The following RFTN2 variants were observed in gnomAD, a reference collection of about 807,000 sequenced individuals.
RFTN2 encodes the protein raftlin-2.
RFTN2 carries 34 observed loss-of-function variants against 52.7 expected under a neutral mutation model. The observed-to-expected ratio is 0.64, with a 90% CI of 0.49 to 0.86. The LOEUF (loss-of-function observed/expected upper bound fraction) is 0.86. RFTN2 is among the 40% of genes least tolerant of loss of function. RFTN2 has a pLI of 0.00. For synonymous variants in RFTN2, 203 were observed against 217.7 expected (o/e 0.93, Z 0.59); for missense variants, 536 against 600.1 (o/e 0.89, Z 1.12).
intron 7 of RFTN2, among the ~76,000 whole-genome samples, chr2:197,614,081 G>C (rs2088104360): frequency 1.3e-5 from 2 of 152,026 alleles, no homozygotes; most frequent in Non-Finnish European, 1.5e-5. Context: ...CCCTTGATTA[G>C]TTACTGTATT....
At chr2:197,579,769 GCTC>G (rs1316812895) in intron 8 of RFTN2, among the ~76,000 whole-genome samples, 1 of 151,724 alleles carries the variant, frequency 6.6e-6, no homozygotes, top group African/African-American at 2.4e-5. Flanking sequence ...TCCCCAGACT[GCTC>G]CTCCTCAGGT....
At chr2:197,602,858 T>G (rs1320800515) in intron 7 of RFTN2, among the ~76,000 whole-genome samples, 1 of 152,062 alleles carries the variant, frequency 6.6e-6, no homozygotes, top group Non-Finnish European at 1.5e-5. Flanking sequence ...ATTAAGAAAA[T>G]GTGGCACATA....
chr2:197,592,501 A>AT (rs1267916514), intron 8 of RFTN2, among the ~76,000 whole-genome samples: 1 of 152,130 alleles, frequency 6.6e-6, no homozygotes, highest in Non-Finnish European at 1.5e-5. Context: ...GGCTGAAGAA[A>AT]TTTTTTTCAA....
chr2:197,570,916 G>A lies in RFTN2; in HGVS notation c.*1092C>T, dbSNP rs994144171. 1 of 152,252 alleles carries A rather than the reference G, an allele frequency of 6.6e-6. No individual in the cohort carries two copies. The highest frequency in any genetic ancestry group is 2.4e-5 in the African/African-American group (1 of 41,458). 9.4% of individuals were successfully genotyped at this position (152,252 alleles called of 1,614,324 possible). A position where few individuals can be genotyped will look rare whatever the true frequency, so the allele number is the denominator to read the frequency against. ...AGAATAAGTTGTAATTCACTTGGAG[G>A]TTCCATCTTTCAAAGTAAGCCTTTC... On this transcript the variant is annotated 3_prime_UTR_variant, in exon 9 of 9. Coordinates refer to ENST00000295049, the MANE Select transcript of RFTN2 (RefSeq NM_144629.3).
chr2:197,619,243 A>G (rs7591564), intron 5 of RFTN2, among the ~76,000 whole-genome samples: 33,392 of 150,826 alleles, frequency 0.22, 3,701 homozygotes, highest in African/African-American at 0.3. Context: ...TGGGAGGTGT[A>G]CCCAACAGCT....
intron 5 of RFTN2, among the ~76,000 whole-genome samples, chr2:197,618,956 G>T (rs1035830701): frequency 2.0e-5 from 3 of 151,492 alleles, no homozygotes; most frequent in East Asian, 2.0e-4. Flanking sequence ...GAGGGAGGTG[G>T]GGGGGTCAGC....
chr2:197,575,154 A>G (rs957543839), intron 8 of RFTN2, among the ~76,000 whole-genome samples: 30 of 152,196 alleles, frequency 2.0e-4, no homozygotes, highest in Admixed American at 2.0e-3. Context: ...ATGGTTTTAT[A>G]AAGGGGTGTT....
intron 5 of RFTN2, among the ~76,000 whole-genome samples, chr2:197,618,510 C>A (rs1461479042): frequency 1.3e-5 from 2 of 152,160 alleles, no homozygotes; most frequent in Non-Finnish European, 2.9e-5. Context: ...GCCGCCACCC[C>A]GTCTGGGAAG....
intron 5 of RFTN2, among the ~76,000 whole-genome samples, chr2:197,621,759 C>T (rs2088270171): frequency 6.6e-6 from 1 of 152,146 alleles, no homozygotes; most frequent in Non-Finnish European, 1.5e-5. Context: ...AATTAATAAC[C>T]CCGAAATAGC....
At position 197,634,401 on chromosome 2, in the gene RFTN2, G is replaced by C. The variant is rs2088524342; in HGVS notation, c.439-404C>G. ...TACCAAATACATCTTCATTAATAAA[G>C]GTTTATTAAATTAAAAGCAAAATAC... On this transcript the variant is annotated intron_variant, in intron 3 of 8. Transcript: ENST00000295049. Among the ~76,000 whole-genome samples, 3 of 152,070 alleles carry C rather than the reference G, an allele frequency of 2.0e-5. No individual in the cohort carries two copies. The Middle Eastern group carries it at 0.01, about 517-fold the overall frequency.
chr2:197,642,767 T>C (rs368057101), intron 3 of RFTN2, among the ~76,000 whole-genome samples: 2 of 152,312 alleles, frequency 1.3e-5, no homozygotes, highest in South Asian at 2.1e-4. Flanking sequence ...TAGGATCGAT[T>C]GAGCCCAGGA....
At chr2:197,643,400 G>C (rs77832999) in intron 3 of RFTN2, among the ~76,000 whole-genome samples, 3,715 of 152,210 alleles carry the variant, frequency 0.024, 145 homozygotes, top group African/African-American at 0.085. Flanking sequence ...GCCTTAACTT[G>C]TCTTAAAGCT....
intron 8 of RFTN2, among the ~76,000 whole-genome samples, chr2:197,582,679 C>A (rs887767689): frequency 1.3e-5 from 2 of 152,192 alleles, no homozygotes; most frequent in Non-Finnish European, 2.9e-5. Context: ...ATATCCACAC[C>A]ACCATGCTGT....
intron 8 of RFTN2, among the ~76,000 whole-genome samples, chr2:197,573,236 A>G (rs1337291192): frequency 6.6e-6 from 1 of 152,208 alleles, no homozygotes; most frequent in Non-Finnish European, 1.5e-5. Flanking sequence ...GGAACTTCCT[A>G]GAGACTTATT....
rs145296099 is a variant in RFTN2, at chr2:197,599,885, T to A, written c.1155-3816A>T. 1.3e-3 allele frequency among the ~76,000 whole-genome samples: 198 copies of A among 151,650 alleles called. 1 individual carries two copies. The highest frequency in any genetic ancestry group is 4.5e-3 in the African/African-American group (184 of 41,288). On this transcript the variant is annotated intron_variant, in intron 7 of 8. Transcript: ENST00000295049. ...ATATTTTATTTTTTTTGAGGCGGAG[T>A]CTCCACTCTGTTGCCCAGGCTGGAG... is the stretch of plus-strand genomic sequence containing the variant.
At chr2:197,672,928 G>A (rs1295860322) in intron 1 of RFTN2, among the ~76,000 whole-genome samples, 2 of 152,140 alleles carry the variant, frequency 1.3e-5, no homozygotes, top group South Asian at 2.1e-4. Flanking sequence ...TGTTTTCTGG[G>A]TGGAGCTTTG....
intron 4 of RFTN2, among the ~76,000 whole-genome samples, chr2:197,632,374 G>C (rs999065656): frequency 6.6e-6 from 1 of 152,200 alleles, no homozygotes; most frequent in Non-Finnish European, 1.5e-5. Context: ...CAGTGAGTTA[G>C]TTCTCACAGG....
chr2:197,593,014 C>A (rs947294591), intron 8 of RFTN2, among the ~76,000 whole-genome samples: 20 of 152,140 alleles, frequency 1.3e-4, no homozygotes, highest in African/African-American at 4.8e-4. Flanking sequence ...ATCTCAAGAT[C>A]CTGCGGTTTC....
chr2:197,672,175 T>A lies in RFTN2; in HGVS notation c.139+3145A>T, dbSNP rs80052870. On this transcript the variant is annotated intron_variant, in intron 1 of 8. Transcript: ENST00000295049. ...TTTTACCAAAACCTCATTAGTGCAG[T>A]TGGTAGACTTGGCATAAAGTTCCAG... Among the ~76,000 whole-genome samples, 1,247 of 152,274 alleles carry A rather than the reference T, an allele frequency of 8.2e-3. 21 individuals carry two copies. The highest frequency in any genetic ancestry group is 0.028 in the African/African-American group (1,172 of 41,552).
Sources: gnomAD v4.1 joint callset for allele counts (sites outside exome capture counted in the v4.1 genomes callset) on GRCh38, gnomAD v4.1.1 for gene constraint, MANE v1.5 for transcripts, NCBI Gene and HGNC (gene_info 2026-07-23, HGNC 2026-07-21) for gene names.